EPSTI1: variants seen among roughly 807,000 people sequenced by gnomAD.
EPSTI1 encodes the protein epithelial-stromal interaction protein 1.
In EPSTI1, 66 loss-of-function variants were observed where a neutral mutation model predicts 49.9. The ratio of observed to expected loss-of-function variants is 1.32; its 90% CI spans 1.08 to 1.62. EPSTI1 has a LOEUF of 1.62. Ranked by LOEUF, EPSTI1 falls within the 40% of genes most tolerant of loss-of-function variation. EPSTI1 has a pLI of 0.00. For missense variants in EPSTI1, 394 were observed against 365.5 expected (o/e 1.08, Z -0.64); for synonymous variants, 137 against 130.7 (o/e 1.05, Z -0.33).
At chr13:42,946,040 C>T (rs2038907475) in intron 6 of EPSTI1, among the ~76,000 whole-genome samples, 1 of 152,136 alleles carries the variant, frequency 6.6e-6, no homozygotes, top group African/African-American at 2.4e-5. Flanking sequence ...TTTAAGCCTA[C>T]CATATGGGTA....
At chr13:42,980,188 G>A (rs1294769292) in intron 1 of EPSTI1, among the ~76,000 whole-genome samples, 2 of 151,734 alleles carry the variant, frequency 1.3e-5, no homozygotes, top group African/African-American at 4.8e-5. Context: ...TGAGAACAAA[G>A]GTTGTTTCCT....
chr13:42,886,848 G>A lies in EPSTI1; in HGVS notation c.*1646C>T, dbSNP rs2036879567. 1.3e-5 allele frequency: 2 copies of A among 152,174 alleles called. No individual in the cohort carries two copies. The highest frequency in any genetic ancestry group is 2.9e-5 in the Non-Finnish European group (2 of 68,024). The allele number at this position is 152,174 out of a possible 1,614,324, so 9.4% of individuals were successfully genotyped here. The stretch of plus-strand genomic sequence containing the variant: ...TCTTTGGGAGTGCAGGGTAGGCCAG[G>A]CAGTGGAGGAGAAATTGACACCAAC... On this transcript the variant is annotated 3_prime_UTR_variant, in exon 11 of 11. Coordinates refer to ENST00000313624, the MANE Select transcript of EPSTI1 (RefSeq NM_033255.5).
intron 8 of EPSTI1, among the ~76,000 whole-genome samples, chr13:42,900,617 T>C (rs964029637): frequency 1.3e-5 from 2 of 151,618 alleles, no homozygotes; most frequent in East Asian, 1.9e-4. Flanking sequence ...TAAAAGCCAG[T>C]GTGCATGGTC....
At chr13:42,954,192 C>A (rs538122927) in intron 5 of EPSTI1, among the ~76,000 whole-genome samples, 171 bp from the exon 6 acceptor site, 2 of 152,336 alleles carry the variant, frequency 1.3e-5, no homozygotes, top group East Asian at 3.9e-4. Context: ...ATGGGCACTG[C>A]ACTGAAAGCC....
At chr13:42,949,855 G>A (rs1594709993) in intron 6 of EPSTI1, among the ~76,000 whole-genome samples, 1 of 144,488 alleles carries the variant, frequency 6.9e-6, no homozygotes, top group Non-Finnish European at 1.5e-5. Context: ...ACTACACCCC[G>A]CCCCCACCAC....
intron 10 of EPSTI1, among the ~76,000 whole-genome samples, chr13:42,894,355 A>G (rs1330378340): frequency 6.6e-6 from 1 of 152,240 alleles, no homozygotes; most frequent in Non-Finnish European, 1.5e-5. Flanking sequence ...GGCTTCAATT[A>G]AACTGTAAGA....
At chr13:42,924,684 C>T (rs2038118730) in intron 7 of EPSTI1, among the ~76,000 whole-genome samples, 1 of 152,172 alleles carries the variant, frequency 6.6e-6, no homozygotes, top group Admixed American at 6.5e-5. Context: ...CTCTTTCCCC[C>T]AGAGCCCAGC....
At chr13:42,894,927 A>G in intron 10 of EPSTI1, 82 bp downstream of exon 10, 1 of 1,204,386 alleles carries the variant, frequency 8.3e-7, no homozygotes, top group Non-Finnish European at 1.2e-6. Context: ...TCTGGGGAGA[A>G]GGCCAAAACA....
At chr13:42,900,242 A>G in intron 9 of EPSTI1, 68 bp downstream of exon 9, 14 of 1,393,674 alleles carry the variant, frequency 1.0e-5, no homozygotes, top group African/African-American at 1.4e-5. Context: ...ATGCTTTCCT[A>G]AAACACTGTA....
chr13:42,914,810 G>T (rs1355561614), intron 8 of EPSTI1, among the ~76,000 whole-genome samples: 1 of 152,122 alleles, frequency 6.6e-6, no homozygotes, highest in Admixed American at 6.5e-5. Context: ...ACCAACTGTG[G>T]CATATTTCTG....
intron 8 of EPSTI1, among the ~76,000 whole-genome samples, chr13:42,901,576 T>G (rs1594615826): frequency 2.0e-5 from 3 of 152,314 alleles, no homozygotes; most frequent in Middle Eastern, 3.4e-3. Flanking sequence ...TGCTCAAGTC[T>G]CACTCTTGCA....
intron 6 of EPSTI1, 35 bp from the exon 7 acceptor site, chr13:42,926,464 C>G: frequency 9.0e-7 from 1 of 1,114,358 alleles, no homozygotes; most frequent in East Asian, 2.3e-5. Context: ...AGTGCCTTCA[C>G]AAAAATATGA....
At chr13:42,962,842 C>A (rs563463280) in intron 5 of EPSTI1, among the ~76,000 whole-genome samples, 104 of 152,110 alleles carry the variant, frequency 6.8e-4, no homozygotes, top group Admixed American at 7.9e-4. Context: ...CATTATTGAC[C>A]CATGAAGAAA....
Position 42,942,844 on chromosome 13 carries a change from G to A in EPSTI1, c.563+11104C>T, listed in dbSNP as rs1445871435. Reference sequence around the variant, plus strand: ...GCTGGGACTACAGGCGCCCGCCACCGCGCCCGGCTAATTTTTTGTATTTTT... The same window carrying A: ...GCTGGGACTACAGGCGCCCGCCACCACGCCCGGCTAATTTTTTGTATTTTT... On this transcript the variant is annotated intron_variant, in intron 6 of 10. Transcript: ENST00000313624. Among the ~76,000 whole-genome samples, 130 of 151,234 alleles carry A rather than the reference G, an allele frequency of 8.6e-4. 1 individual carries two copies. The South Asian group carries it at 9.0e-3, about 10-fold the overall frequency.
intron 6 of EPSTI1, among the ~76,000 whole-genome samples, chr13:42,953,187 G>A (rs187802431): frequency 2.0e-5 from 3 of 148,796 alleles, no homozygotes; most frequent in Admixed American, 1.3e-4. Context: ...GCACTTTTAT[G>A]TCATTTACAT....
intron 6 of EPSTI1, among the ~76,000 whole-genome samples, chr13:42,946,798 G>A (rs945380989): frequency 1.1e-4 from 16 of 152,270 alleles, no homozygotes; most frequent in East Asian, 9.6e-4. Flanking sequence ...GAACAGCAGC[G>A]GTATTAGAAT....
chr13:42,935,587 TTTTTTTA>T (rs1478181478), intron 6 of EPSTI1, among the ~76,000 whole-genome samples: 8 of 152,116 alleles, frequency 5.3e-5, no homozygotes, highest in African/African-American at 1.7e-4. Flanking sequence ...CATAAATTCT[TTTTTTTA>T]TTTTTTATTT....
At chr13:42,970,433 C>G (rs2039736941) in intron 2 of EPSTI1, 179 bp downstream of exon 2, 1 of 482,388 alleles carries the variant, frequency 2.1e-6, no homozygotes, top group Non-Finnish European at 3.6e-6. Context: ...GAGAAACAAA[C>G]TTAGAAGTGT....
chr13:42,897,666 C>T (rs1340960219), intron 9 of EPSTI1, among the ~76,000 whole-genome samples: 2 of 152,192 alleles, frequency 1.3e-5, no homozygotes, highest in South Asian at 2.1e-4. Flanking sequence ...ATGTGATTCA[C>T]TTTTGAGCAT....
Sources: allele counts gnomAD v4.1 joint callset (sites outside exome capture counted in the v4.1 genomes callset), GRCh38; gene constraint gnomAD v4.1.1; transcripts MANE v1.5; gene names NCBI Gene and HGNC (gene_info 2026-07-23, HGNC 2026-07-21).